SPRED2: variants seen among roughly 807,000 people sequenced by gnomAD.
The protein encoded by SPRED2 is sprouty related EVH1 domain containing 2.
SPRED2 carries 47 observed loss-of-function variants against 43.0 expected under a neutral mutation model. That is an observed-to-expected ratio of 1.09 (90% CI 0.87 to 1.40). The LOEUF is 1.40. Ranked by LOEUF, SPRED2 falls within the 40% of genes most tolerant of loss-of-function variation. SPRED2 has a pLI of 0.00. For synonymous variants in SPRED2, 225 were observed against 225.7 expected (o/e 1.00, Z 0.03); for missense variants, 561 against 586.4 (o/e 0.96, Z 0.45).
chr2:65,431,657 G>A (rs76199048), intron 1 of SPRED2, among the ~76,000 whole-genome samples: 5,644 of 152,224 alleles, frequency 0.037, 357 homozygotes, highest in African/African-American at 0.13. Context: ...AGGATTTCGG[G>A]GGCGGGGGAG....
At chr2:65,336,729 T>C (rs1354405813) in intron 2 of SPRED2, among the ~76,000 whole-genome samples, 1 of 152,262 alleles carries the variant, frequency 6.6e-6, no homozygotes, top group African/African-American at 2.4e-5. Context: ...TCCTAGTTTC[T>C]CCATATTTTG....
chr2:65,323,572 T>TA lies in SPRED2; in HGVS notation c.439-6690dup, dbSNP rs998003047. Among the ~76,000 whole-genome samples the TA allele has an allele frequency of 2.5e-3, 347 of 140,150 alleles. 2 individuals carry two copies. Among genetic ancestry groups the TA allele is most frequent in the East Asian group, 4.6e-3 (22 of 4,752 alleles). 91.9% of individuals were successfully genotyped at this position (140,150 alleles called of 152,430 possible). ...GGCCTGTCCAAATCCTCTATGGTAGTAAAAAAAAAAAAATCCATCCCTGGC... is the reference window on the plus strand; with the variant it reads ...GGCCTGTCCAAATCCTCTATGGTAGTAAAAAAAAAAAAAATCCATCCCTGGC... On this transcript the variant is annotated intron_variant, in intron 4 of 5. Transcript: ENST00000356388.
intron 1 of SPRED2, among the ~76,000 whole-genome samples, chr2:65,347,977 C>T (rs1388178057): frequency 6.6e-6 from 1 of 152,084 alleles, no homozygotes; most frequent in African/African-American, 2.4e-5. Context: ...CCAACTTAAC[C>T]CAGAAAATAG....
intron 1 of SPRED2, among the ~76,000 whole-genome samples, chr2:65,394,536 G>A (rs1461433652): frequency 1.3e-5 from 2 of 152,188 alleles, no homozygotes; most frequent in East Asian, 1.9e-4. Context: ...TTTCACAGAC[G>A]CTAGATCCAA....
At chr2:65,418,655 G>C (rs1232341742) in intron 1 of SPRED2, among the ~76,000 whole-genome samples, 1 of 151,842 alleles carries the variant, frequency 6.6e-6, no homozygotes, top group Non-Finnish European at 1.5e-5. Context: ...CTGGGTTTAA[G>C]TCATTCTCAT....
chr2:65,362,364 G>A (rs1674837944), intron 1 of SPRED2, among the ~76,000 whole-genome samples: 1 of 152,012 alleles, frequency 6.6e-6, no homozygotes, highest in Non-Finnish European at 1.5e-5. Context: ...CCGCCTCCCG[G>A]GTTCACGCCA....
At chr2:65,321,831 G>A (rs902923513) in intron 4 of SPRED2, among the ~76,000 whole-genome samples, 2 of 152,058 alleles carry the variant, frequency 1.3e-5, no homozygotes, top group African/African-American at 4.8e-5. Flanking sequence ...GGAGTGCAGC[G>A]GCGGAATCTC....
intron 1 of SPRED2, among the ~76,000 whole-genome samples, chr2:65,357,399 T>G (rs1558666862): frequency 1.3e-5 from 2 of 152,178 alleles, no homozygotes; most frequent in East Asian, 3.9e-4. Context: ...TACAAAGAAC[T>G]GTGGAAACCG....
chr2:65,425,081 CAA>C (rs1307457339), intron 1 of SPRED2, among the ~76,000 whole-genome samples: 1 of 152,002 alleles, frequency 6.6e-6, no homozygotes, highest in Non-Finnish European at 1.5e-5. Context: ...GAAAAAGAAA[CAA>C]GAGGAATAAA....
downstream of SPRED2, chr2:65,308,339 C>T: frequency 4.1e-6 from 4 of 985,474 alleles, no homozygotes; most frequent in Non-Finnish European, 4.8e-6. Context: ...GATGCATTGG[C>T]TCCCAGAAAC....
chr2:65,367,954 G>A (rs1675025581), intron 1 of SPRED2, among the ~76,000 whole-genome samples: 1 of 151,844 alleles, frequency 6.6e-6, no homozygotes, highest in Non-Finnish European at 1.5e-5. Context: ...TGATTTAGTG[G>A]CTGACAAAAA....
chr2:65,367,663 C>A (rs545603712), intron 1 of SPRED2, among the ~76,000 whole-genome samples: 3 of 152,120 alleles, frequency 2.0e-5, no homozygotes, highest in Non-Finnish European at 2.9e-5. Flanking sequence ...CCTGAACAAA[C>A]GCCTAGTGCC....
At chr2:65,410,810 G>C (rs997385553) in intron 1 of SPRED2, among the ~76,000 whole-genome samples, 48 of 152,066 alleles carry the variant, frequency 3.2e-4, no homozygotes, top group African/African-American at 1.2e-3. Context: ...TAAAGGATGA[G>C]GCTTTTATAG....
At chr2:65,376,261 T>C (rs1249704043) in intron 1 of SPRED2, among the ~76,000 whole-genome samples, 2 of 152,172 alleles carry the variant, frequency 1.3e-5, no homozygotes, top group Non-Finnish European at 2.9e-5. Context: ...CATGTATTTA[T>C]TATCTGTTGC....
chr2:65,363,000 GTTTTGTTTTTT>G (rs1198845182), intron 1 of SPRED2, among the ~76,000 whole-genome samples: 10 of 66,984 alleles, frequency 1.5e-4, no homozygotes, highest in South Asian at 8.7e-4. Context: ...TGGTCATCAT[GTTTTGTTTTTT>G]TTTTTTTTTT....
chr2:65,412,417 T>A (rs1676183280), intron 1 of SPRED2, among the ~76,000 whole-genome samples: 1 of 152,180 alleles, frequency 6.6e-6, no homozygotes, highest in Non-Finnish European at 1.5e-5. Flanking sequence ...CACGCCAGAT[T>A]CTGGACAGAA....
downstream of SPRED2, among the ~76,000 whole-genome samples, chr2:65,310,502 C>T (rs1558642728): frequency 2.1e-5 from 3 of 143,544 alleles, no homozygotes; most frequent in Admixed American, 7.1e-5. Context: ...CACACACACA[C>T]ACATATCCCT....
At chr2:65,402,246 T>G (rs1206533755) in intron 1 of SPRED2, among the ~76,000 whole-genome samples, 1 of 115,468 alleles carries the variant, frequency 8.7e-6, no homozygotes, top group African/African-American at 3.4e-5. Context: ...GCCACTGCAC[T>G]CCAGCCTGGG....
intron 1 of SPRED2, among the ~76,000 whole-genome samples, chr2:65,412,620 T>C (rs1372560876): frequency 6.6e-6 from 1 of 152,194 alleles, no homozygotes; most frequent in Non-Finnish European, 1.5e-5. Flanking sequence ...TCTCTGACAT[T>C]AGTCAGAGGC....
Sources: gnomAD v4.1 joint callset for allele counts (sites outside exome capture counted in the v4.1 genomes callset) on GRCh38, gnomAD v4.1.1 for gene constraint, MANE v1.5 for transcripts, NCBI Gene and HGNC (gene_info 2026-07-23, HGNC 2026-07-21) for gene names.